The following ORC5 variants were observed in gnomAD, a reference collection of about 807,000 sequenced individuals.
The protein encoded by ORC5 is origin recognition complex subunit 5.
In ORC5, 39 loss-of-function variants were observed where a neutral mutation model predicts 58.8. That is an observed-to-expected ratio of 0.66 (90% CI 0.51 to 0.87). ORC5 has a LOEUF of 0.87. ORC5 is among the 40% of genes least tolerant of loss of function. ORC5 has a pLI of 0.00. For missense variants in ORC5, 493 were observed against 506.3 expected (o/e 0.97, Z 0.25); for synonymous variants, 218 against 177.6 (o/e 1.23, Z -1.81).
At chr7:104,169,571 A>G (rs1799173453) in intron 8 of ORC5, among the ~76,000 whole-genome samples, 1 of 152,208 alleles carries the variant, frequency 6.6e-6, no homozygotes, top group African/African-American at 2.4e-5. Flanking sequence ...AAACTCTCAC[A>G]GAACTCTTAA....
intron 4 of ORC5, among the ~76,000 whole-genome samples, chr7:104,195,922 A>G (rs534968873): frequency 6.6e-6 from 1 of 152,348 alleles, no homozygotes; most frequent in South Asian, 2.1e-4. Flanking sequence ...AAGTACTTTC[A>G]GTATACATGA....
intron 13 of ORC5, 52 bp from the exon 14 acceptor site, chr7:104,126,945 G>A: frequency 7.7e-7 from 1 of 1,306,676 alleles, no homozygotes; most frequent in Non-Finnish European, 1.1e-6. Flanking sequence ...AGATTGCTCA[G>A]CTTTGTATGA....
In ORC5 at chr7:104,204,244, G is replaced by C; in HGVS notation, c.73-10C>G. The C allele has an allele frequency of 1.3e-6, 2 of 1,489,344 alleles. No homozygotes were observed. Among genetic ancestry groups the C allele is most frequent in the Non-Finnish European group, 1.9e-6 (2 of 1,076,166 alleles). 92.3% of individuals were successfully genotyped at this position (1,489,344 alleles called of 1,614,324 possible). On this transcript the variant is annotated splice_polypyrimidine_tract_variant and intron_variant, in intron 1 of 13. Transcript: ENST00000297431. ...AGCTGAAATGATGTCTCTAACGAGA[G>C]AAAAGACAAATATGAGGCTGCACAT...
chr7:104,177,385 T>G (rs1343600412), intron 8 of ORC5, among the ~76,000 whole-genome samples: 1 of 152,122 alleles, frequency 6.6e-6, no homozygotes, highest in Non-Finnish European at 1.5e-5. Context: ...ATAAACATAT[T>G]TATAAAATTA....
At chr7:104,184,850 T>C (rs1035342625) in intron 6 of ORC5, among the ~76,000 whole-genome samples, 5 of 152,030 alleles carry the variant, frequency 3.3e-5, no homozygotes, top group East Asian at 3.9e-4. Flanking sequence ...CAGAGAAACT[T>C]AGCACAGGCT....
intron 8 of ORC5, among the ~76,000 whole-genome samples, chr7:104,179,353 T>C (rs1799388944): frequency 6.6e-6 from 1 of 152,192 alleles, no homozygotes; most frequent in Admixed American, 6.5e-5. Flanking sequence ...AAGCATGTCA[T>C]GGATGGTTTA....
chr7:104,144,560 G>C (rs1009169433), intron 12 of ORC5, among the ~76,000 whole-genome samples: 14 of 152,082 alleles, frequency 9.2e-5, no homozygotes, highest in Admixed American at 3.3e-4. Flanking sequence ...GTTCGAGACA[G>C]GCCTGGCCAA....
intron 6 of ORC5, among the ~76,000 whole-genome samples, chr7:104,185,371 C>A (rs1799522538): frequency 6.6e-6 from 1 of 152,034 alleles, no homozygotes; most frequent in African/African-American, 2.4e-5. Flanking sequence ...AACTTCCCTA[C>A]AGTAACAAAG....
At chr7:104,137,357 A>T (rs1447384296) in intron 12 of ORC5, among the ~76,000 whole-genome samples, 1 of 151,550 alleles carries the variant, frequency 6.6e-6, no homozygotes, top group African/African-American at 2.4e-5. Context: ...TCGCTTTGTG[A>T]TTCTCCTGCC....
Position 104,200,782 on chromosome 7 carries a change from A to AT in ORC5, c.341dup (p.Asn114LysfsTer3), listed in dbSNP as rs1197598330. On this transcript the variant is annotated frameshift_variant, in exon 3 of 14. Transcript: ENST00000297431. LOFTEE classifies it high-confidence loss of function. ...CAATATATACAGTCTGATCTTTAAGATTTTCAGCTGTGGTTACTTGTTTAA... is the reference window on the plus strand; with the variant it reads ...CAATATATACAGTCTGATCTTTAAGATTTTTCAGCTGTGGTTACTTGTTTAA... 1 of 1,607,314 alleles carries AT rather than the reference A, an allele frequency of 6.2e-7. No individual in the cohort carries two copies. Among genetic ancestry groups the AT allele is most frequent in the Non-Finnish European group, 8.5e-7 (1 of 1,174,288 alleles).
At chr7:104,165,212 A>G (rs750518043) in intron 11 of ORC5, 23 bp downstream of exon 11, 2 of 1,178,926 alleles carry the variant, frequency 1.7e-6, no homozygotes, top group Non-Finnish European at 2.5e-6. Context: ...AGTTTCTTCC[A>G]TTAGAAATTA....
chr7:104,169,032 A>C (rs1799160008), intron 8 of ORC5, among the ~76,000 whole-genome samples: 1 of 152,190 alleles, frequency 6.6e-6, no homozygotes. Context: ...CAGTGAGCTG[A>C]GATTGTGCCA....
intron 8 of ORC5, among the ~76,000 whole-genome samples, chr7:104,168,768 T>C (rs1469808175): frequency 6.6e-6 from 1 of 152,142 alleles, no homozygotes; most frequent in Non-Finnish European, 1.5e-5. Context: ...TTTACTATGA[T>C]GACTGTTGTA....
At chr7:104,171,726 T>G (rs1799214323) in intron 8 of ORC5, among the ~76,000 whole-genome samples, 2 of 152,092 alleles carry the variant, frequency 1.3e-5, no homozygotes, top group Non-Finnish European at 1.5e-5. Flanking sequence ...TGGTGGCGCA[T>G]GCCTATAGTC....
At chr7:104,197,513 A>G (rs1020820841) in intron 4 of ORC5, among the ~76,000 whole-genome samples, 1 of 152,220 alleles carries the variant, frequency 6.6e-6, no homozygotes, top group African/African-American at 2.4e-5. Flanking sequence ...ATAATTACAG[A>G]GAAAAAGCTA....
chr7:104,195,510 T>G (rs1241409747), intron 4 of ORC5, among the ~76,000 whole-genome samples: 1 of 152,176 alleles, frequency 6.6e-6, no homozygotes, highest in African/African-American at 2.4e-5. Flanking sequence ...TAAGTGATCC[T>G]CCTATACCTC....
At chr7:104,177,300 TA>T (rs1302014819) in intron 8 of ORC5, among the ~76,000 whole-genome samples, 1 of 152,194 alleles carries the variant, frequency 6.6e-6, no homozygotes, top group East Asian at 1.9e-4. Context: ...TTACTAAACA[TA>T]AGTTTGTTCT....
At chr7:104,201,677 A>C (rs1480894571) in intron 2 of ORC5, among the ~76,000 whole-genome samples, 1 of 151,826 alleles carries the variant, frequency 6.6e-6, no homozygotes, top group East Asian at 1.9e-4. Context: ...AATGTTAAAA[A>C]TCTTAATAGG....
intron 8 of ORC5, among the ~76,000 whole-genome samples, chr7:104,179,585 G>A (rs999480159): frequency 6.8e-6 from 1 of 146,980 alleles, no homozygotes; most frequent in Admixed American, 6.7e-5. Context: ...AAAAATTAGA[G>A]GTTTTCACTT....
Sources: allele counts gnomAD v4.1 joint callset (sites outside exome capture counted in the v4.1 genomes callset), GRCh38; gene constraint gnomAD v4.1.1; transcripts MANE v1.5; gene names NCBI Gene and HGNC (gene_info 2026-07-23, HGNC 2026-07-21).